MAP2: variants seen among roughly 807,000 people sequenced by gnomAD.
MAP2 encodes the protein microtubule associated protein 2, also known as microtubule-associated protein 2.
In MAP2, 14 loss-of-function variants were observed where a neutral mutation model predicts 137.6. The ratio of observed to expected loss-of-function variants is 0.10; its 90% CI spans 0.07 to 0.16. The LOEUF is 0.16. Ranked by LOEUF, MAP2 falls within the 10% of genes least tolerant of loss-of-function variation. The pLI is 1.00. For synonymous variants in MAP2, 786 were observed against 782.3 expected, an observed-to-expected ratio of 1.00 and a Z score of -0.08; for missense variants, 2,088 against 2,191.5, an observed-to-expected ratio of 0.95 and a Z score of 0.94.
At chr2:209,659,115 A>T (rs1396694590) in intron 5 of MAP2, among the ~76,000 whole-genome samples, 1 of 152,178 alleles carries the variant, frequency 6.6e-6, no homozygotes, top group Non-Finnish European at 1.5e-5. Context: ...AGTGTTCAGG[A>T]ATTTCATGCA....
At chr2:209,509,871 A>C (rs2150236444) in intron 2 of MAP2, among the ~76,000 whole-genome samples, 1 of 152,034 alleles carries the variant, frequency 6.6e-6, no homozygotes, top group East Asian at 1.9e-4. Flanking sequence ...TTTTACATTA[A>C]GTTATGTAAA....
chr2:209,661,614 G>T, intron 5 of MAP2: 1 of 985,442 alleles, frequency 1.0e-6, no homozygotes, highest in Non-Finnish European at 1.2e-6. Flanking sequence ...CCTTCTAAAG[G>T]TTAGGCATCC....
At chr2:209,515,082 A>G (rs538175285) in intron 2 of MAP2, among the ~76,000 whole-genome samples, 44 of 152,250 alleles carry the variant, frequency 2.9e-4, no homozygotes, top group African/African-American at 1.0e-3. Context: ...GTTTCATTCC[A>G]TATTATTCAG....
In MAP2 at chr2:209,694,243, T is replaced by G. The variant is rs1194523527; in HGVS notation, c.2073T>G (p.Gly691=). 2.5e-6 allele frequency: 4 copies of G among 1,613,990 alleles called. No individual in the cohort carries two copies. Among genetic ancestry groups the G allele is most frequent in the African/African-American group, 1.3e-5 (1 of 74,936 alleles). ...LTLSRSLGLG[G]RSAIEQRSMS... ...TTAGCAGGAGTTTAGGACTTGGTGGTAGGTCTGCAATAGAACAAAGAAGCA... is the reference window on the plus strand; with the variant it reads ...TTAGCAGGAGTTTAGGACTTGGTGGGAGGTCTGCAATAGAACAAAGAAGCA... Residue 691 remains glycine, a synonymous_variant, in exon 8 of 16, where the codon GGT becomes GGG. Transcript: ENST00000682079.
intron 4 of MAP2, among the ~76,000 whole-genome samples, chr2:209,651,553 G>A (rs1330357717): frequency 6.6e-6 from 1 of 152,054 alleles, no homozygotes; most frequent in Non-Finnish European, 1.5e-5. Flanking sequence ...ACTAAGCATT[G>A]TTCTCATTTA....
Position 209,451,389 on chromosome 2 carries a change from T to C in MAP2, c.-222+27113T>C, listed in dbSNP as rs1239110768. On this transcript the variant is annotated intron_variant, in intron 1 of 15. Coordinates refer to ENST00000682079, the MANE Select transcript of MAP2 (RefSeq NM_001375505.1). The stretch of plus-strand genomic sequence containing the variant: ...GGTGAGAAAGGAGCAAGGCCAGCTC[T>C]TTATTTCCCCCTTCCCTCCATGCCC... Among the ~76,000 whole-genome samples the C allele has an allele frequency of 2.0e-5, 3 of 152,140 alleles. 1 individual carries two copies. The East Asian group carries it at 5.8e-4, about 29-fold the overall frequency.
At chr2:209,550,842 T>G (rs1044477208) in intron 2 of MAP2, among the ~76,000 whole-genome samples, 6 of 152,152 alleles carry the variant, frequency 3.9e-5, no homozygotes, top group African/African-American at 1.4e-4. Context: ...TAATTAAAAC[T>G]TCTCAAAGTT....
At chr2:209,700,130 G>A (rs2061389393) in intron 10 of MAP2, 147 bp from the exon 11 acceptor site, 1 of 606,006 alleles carries the variant, frequency 1.7e-6, no homozygotes, top group Admixed American at 2.9e-5. Context: ...CATGTTACTT[G>A]AGTTATTGAA....
chr2:209,493,581 A>T lies in MAP2; in HGVS notation c.-221-14011A>T, dbSNP rs186438522. 2.0e-5 allele frequency among the ~76,000 whole-genome samples: 3 copies of T among 152,352 alleles called. No individual in the cohort carries two copies. In the East Asian group the frequency reaches 5.8e-4, roughly 29 times the overall value. On this transcript the variant is annotated intron_variant, in intron 1 of 15. Coordinates refer to ENST00000682079, the MANE Select transcript of MAP2 (RefSeq NM_001375505.1). ...TCCAGAGTCTACAAGGAACTTAAAC[A>T]AATTCACAAGAAAAAACAATCCCAC...
At chr2:209,627,526 T>G (rs1165473953) in intron 4 of MAP2, among the ~76,000 whole-genome samples, 2 of 152,138 alleles carry the variant, frequency 1.3e-5, no homozygotes, top group Non-Finnish European at 2.9e-5. Flanking sequence ...CCCAAATACC[T>G]CAGGTAACTT....
intron 5 of MAP2, among the ~76,000 whole-genome samples, chr2:209,672,054 G>T (rs574693327): frequency 6.6e-6 from 1 of 152,004 alleles, no homozygotes; most frequent in South Asian, 2.1e-4. Flanking sequence ...CAAAGCCTGA[G>T]GTTGTCTTAA....
intron 10 of MAP2, among the ~76,000 whole-genome samples, chr2:209,698,012 T>G (rs1045990138): frequency 6.6e-5 from 10 of 151,646 alleles, no homozygotes; most frequent in African/African-American, 2.4e-4. Context: ...AGCTAATTTT[T>G]TTTTTTTTTG....
intron 3 of MAP2, among the ~76,000 whole-genome samples, chr2:209,601,647 A>G (rs576597930): frequency 8.5e-5 from 13 of 152,308 alleles, no homozygotes; most frequent in African/African-American, 3.1e-4. Context: ...TACCAAATGC[A>G]TAAATGAGAG....
chr2:209,639,983 G>A (rs1310466153), intron 4 of MAP2, among the ~76,000 whole-genome samples: 1 of 151,882 alleles, frequency 6.6e-6, no homozygotes, highest in African/African-American at 2.4e-5. Context: ...TGCTCATTTT[G>A]GTATCTTTCT....
intron 7 of MAP2, among the ~76,000 whole-genome samples, chr2:209,686,654 G>A (rs2057130772): frequency 6.6e-6 from 1 of 152,142 alleles, no homozygotes; most frequent in Non-Finnish European, 1.5e-5. Flanking sequence ...TGAGTTATAC[G>A]AGAATCCAAA....
intron 3 of MAP2, among the ~76,000 whole-genome samples, chr2:209,593,906 G>GTATATATT (rs375037715): frequency 0.94 from 109,765 of 117,226 alleles, 51,782 homozygotes; most frequent in East Asian, 1. Flanking sequence ...AAATATATAA[G>GTATATATT]TATATATTTA....
At chr2:209,590,701 G>C (rs756136217) in intron 3 of MAP2, among the ~76,000 whole-genome samples, 1 of 152,136 alleles carries the variant, frequency 6.6e-6, no homozygotes, top group Non-Finnish European at 1.5e-5. Context: ...TCAAGCGCTT[G>C]ATAGCCACAT....
intron 1 of MAP2, among the ~76,000 whole-genome samples, chr2:209,502,889 G>C (rs1396199634): frequency 1.3e-5 from 2 of 151,930 alleles, no homozygotes; most frequent in African/African-American, 4.8e-5. Flanking sequence ...GTCTTCTTTG[G>C]AAAAATGTCT....
chr2:209,535,418 C>A (rs1020743725), intron 2 of MAP2, among the ~76,000 whole-genome samples: 1 of 152,154 alleles, frequency 6.6e-6, no homozygotes, highest in Non-Finnish European at 1.5e-5. Flanking sequence ...GGTCTTTGAT[C>A]CCTGCAAAGC....
Sources: gnomAD v4.1 joint callset for allele counts (sites outside exome capture counted in the v4.1 genomes callset) on GRCh38, gnomAD v4.1.1 for gene constraint, MANE v1.5 for transcripts, NCBI Gene and HGNC (gene_info 2026-07-23, HGNC 2026-07-21) for gene names.